The following PKN2 variants were observed in gnomAD, a reference collection of about 807,000 sequenced individuals.
PKN2 encodes protein kinase N2.
PKN2 carries 38 observed loss-of-function variants against 119.1 expected under a neutral mutation model. The observed-to-expected ratio is 0.32, with a 90% CI of 0.25 to 0.42. The LOEUF (loss-of-function observed/expected upper bound fraction) is 0.42. Among genes scored for constraint, PKN2 ranks in the 10% least tolerant of loss-of-function variants. The probability of loss-of-function intolerance (pLI) is 1.00; values close to 1 mark genes in which losing one functional copy is unlikely to be tolerated. For missense variants in PKN2, 850 were observed against 1,165.1 expected, an observed-to-expected ratio of 0.73 and a Z score of 3.94; for synonymous variants, 390 against 384.9, an observed-to-expected ratio of 1.01 and a Z score of -0.15.
intron 4 of PKN2, among the ~76,000 whole-genome samples, 169 bp downstream of exon 4, chr1:88,770,638 T>C (rs571256228): frequency 0.012 from 1,723 of 149,774 alleles, 34 homozygotes; most frequent in African/African-American, 0.04. Flanking sequence ...CAGGCTGGAG[T>C]GCAGTGGCGG....
At chr1:88,706,147 A>AGATTTCCTCTAATTTCTTTC (rs1553146740) in intron 1 of PKN2, among the ~76,000 whole-genome samples, 1 of 152,186 alleles carries the variant, frequency 6.6e-6, no homozygotes, top group Non-Finnish European at 1.5e-5. Context: ...CCATTTCTTT[A>AGATTTCCTCTAATTTCTTTC]GATTTCCTCT....
intron 12 of PKN2, among the ~76,000 whole-genome samples, chr1:88,806,510 C>G (rs1244654817): frequency 6.6e-6 from 1 of 151,938 alleles, no homozygotes; most frequent in Non-Finnish European, 1.5e-5. Flanking sequence ...CTAAATTAGA[C>G]TGAGTTGGTA....
At position 88,771,281 on chromosome 1, in the gene PKN2, A is replaced by C; in HGVS notation, c.623-140A>C. On this transcript the variant is annotated intron_variant, in intron 4 of 21. Coordinates refer to ENST00000370521, the MANE Select transcript of PKN2 (RefSeq NM_006256.4). The stretch of plus-strand genomic sequence containing the variant: ...GCTCTGAATTTCAATATCATATCAA[A>C]TATTTTTATTTCAGTGTTTATTGAT... The C allele has an allele frequency of 7.6e-6, 4 of 527,486 alleles. No homozygotes were observed. The Admixed American group carries it at 1.5e-4, about 20-fold the overall frequency. 32.7% of individuals were successfully genotyped at this position (527,486 alleles called of 1,614,324 possible).
At chr1:88,688,814 G>A (rs1467782939) in intron 1 of PKN2, among the ~76,000 whole-genome samples, 1 of 152,192 alleles carries the variant, frequency 6.6e-6, no homozygotes, top group Non-Finnish European at 1.5e-5. Context: ...GCAATACATT[G>A]ATGAGAATGC....
Position 88,807,607 on chromosome 1 carries a change from A to T in PKN2, c.2010+3A>T, listed in dbSNP as rs201252342. The T allele has an allele frequency of 2.5e-6, 4 of 1,605,116 alleles. No individual in the cohort carries two copies. On this transcript the variant is annotated splice_donor_region_variant and intron_variant, in intron 14 of 21. Transcript: ENST00000370521. Reference sequence around the variant, plus strand: ...TGGGAAGAGGACATTTTGGAAAGGTAATCTTTTTGGAATTTTTTGGAATAT... The same window carrying T: ...TGGGAAGAGGACATTTTGGAAAGGTTATCTTTTTGGAATTTTTTGGAATAT...
intron 19 of PKN2, among the ~76,000 whole-genome samples, chr1:88,830,452 C>G (rs1439977006): frequency 1.3e-5 from 2 of 152,092 alleles, no homozygotes; most frequent in African/African-American, 2.4e-5. Flanking sequence ...CTCCCCACCC[C>G]CTTCCTTTAT....
At chr1:88,807,288 T>C in intron 12 of PKN2, 25 bp from the exon 13 acceptor site, 1 of 1,418,860 alleles carries the variant, frequency 7.0e-7, no homozygotes, top group Non-Finnish European at 9.6e-7. Context: ...TTTCTATGGA[T>C]TCACGTGTAT....
At chr1:88,794,803 A>G (rs541941284) in intron 8 of PKN2, among the ~76,000 whole-genome samples, 5 of 151,298 alleles carry the variant, frequency 3.3e-5, no homozygotes, top group South Asian at 4.1e-4. Flanking sequence ...TTTCTTCTCT[A>G]TTTACCCTAA....
At chr1:88,790,369 G>T (rs902802672) in intron 8 of PKN2, among the ~76,000 whole-genome samples, 1 of 152,140 alleles carries the variant, frequency 6.6e-6, no homozygotes, top group Non-Finnish European at 1.5e-5. Flanking sequence ...TTGGAGTATA[G>T]AATTCTTTTA....
chr1:88,736,853 G>A (rs985907704), intron 1 of PKN2, among the ~76,000 whole-genome samples: 24 of 152,214 alleles, frequency 1.6e-4, no homozygotes, highest in Non-Finnish European at 7.3e-5. Context: ...CAGGTTTGCA[G>A]TGAATTCACA....
At chr1:88,758,038 CAAAAAAAAAA>C (rs33914457) in intron 2 of PKN2, among the ~76,000 whole-genome samples, 1 of 59,070 alleles carries the variant, frequency 1.7e-5, no homozygotes, top group African/African-American at 6.8e-5. Flanking sequence ...GAGACTATCT[CAAAAAAAAAA>C]AAAAAAAAAA....
chr1:88,811,756 C>G (rs933914046), intron 15 of PKN2, among the ~76,000 whole-genome samples: 2 of 152,316 alleles, frequency 1.3e-5, no homozygotes, highest in Admixed American at 1.3e-4. Context: ...CCAAACCATA[C>G]AAAGCATAAA....
At chr1:88,781,443 A>G (rs1670341317) in intron 6 of PKN2, among the ~76,000 whole-genome samples, 1 of 152,110 alleles carries the variant, frequency 6.6e-6, no homozygotes, top group Admixed American at 6.6e-5. Flanking sequence ...AGTTTTCCAG[A>G]CAGTTGAAAG....
intron 1 of PKN2, among the ~76,000 whole-genome samples, chr1:88,708,532 T>C (rs755067210): frequency 2.6e-5 from 4 of 152,000 alleles, no homozygotes; most frequent in African/African-American, 7.3e-5. Context: ...AGTTTTATTA[T>C]ATTCAACATA....
Position 88,823,077 on chromosome 1 carries a change from C to T in PKN2, c.2342+1074C>T, listed in dbSNP as rs115546190. 6.7e-3 allele frequency among the ~76,000 whole-genome samples: 1,020 copies of T among 152,128 alleles called. 10 individuals are homozygous for T. The highest frequency in any genetic ancestry group is 0.021 in the African/African-American group (863 of 41,522). ...CTACAAAAAAATAACAAAAATCAGCCAGGAGTGATGACATCTGCCTGTATC... is the reference window on the plus strand; with the variant it reads ...CTACAAAAAAATAACAAAAATCAGCTAGGAGTGATGACATCTGCCTGTATC... On this transcript the variant is annotated intron_variant, in intron 17 of 21. Coordinates refer to ENST00000370521, the MANE Select transcript of PKN2 (RefSeq NM_006256.4).
chr1:88,823,143 C>CT (rs1156984359), intron 17 of PKN2, among the ~76,000 whole-genome samples: 1 of 152,144 alleles, frequency 6.6e-6, no homozygotes, highest in Non-Finnish European at 1.5e-5. Context: ...TTCCTTGAGC[C>CT]TGGGAGGTCA....
chr1:88,770,880 C>T (rs984747052), intron 4 of PKN2, among the ~76,000 whole-genome samples: 1 of 150,276 alleles, frequency 6.7e-6, no homozygotes, highest in African/African-American at 2.4e-5. Flanking sequence ...CCACCGCGCC[C>T]GGCCCTTTTT....
intron 6 of PKN2, among the ~76,000 whole-genome samples, chr1:88,776,190 T>G (rs1035184946): frequency 7.3e-6 from 1 of 137,914 alleles, no homozygotes; most frequent in African/African-American, 3.0e-5. Context: ...TTCCTTTCTC[T>G]CTCCCTCCCT....
intron 1 of PKN2, among the ~76,000 whole-genome samples, chr1:88,724,882 G>GTTTTTTTTTTTTTTTT (rs60507382): frequency 6.6e-5 from 7 of 106,010 alleles, no homozygotes; most frequent in African/African-American, 1.7e-4. Flanking sequence ...CCACCCCTTG[G>GTTTTTTTTTTTTTTTT]TTTTTTTTTT....
Sources: gnomAD v4.1 joint callset for allele counts (sites outside exome capture counted in the v4.1 genomes callset) on GRCh38, gnomAD v4.1.1 for gene constraint, MANE v1.5 for transcripts, NCBI Gene and HGNC (gene_info 2026-07-23, HGNC 2026-07-21) for gene names.